The following ATP9B variants were observed in gnomAD, a reference collection of about 807,000 sequenced individuals.
ATP9B encodes probable phospholipid-transporting ATPase IIB.
ATP9B carries 110 observed loss-of-function variants against 146.1 expected under a neutral mutation model. The ratio of observed to expected loss-of-function variants is 0.75; its 90% CI spans 0.65 to 0.88. The LOEUF (loss-of-function observed/expected upper bound fraction) is 0.88, where lower values mean the gene tolerates loss of function less well. ATP9B is among the 40% of genes least tolerant of loss of function. The pLI is 0.00. For synonymous variants in ATP9B, 604 were observed against 569.7 expected (o/e 1.06, Z -0.86); for missense variants, 1,499 against 1,496.4 (o/e 1.00, Z -0.03).
intron 15 of ATP9B, among the ~76,000 whole-genome samples, chr18:79,312,536 G>A (rs1169753682): frequency 3.9e-5 from 6 of 152,164 alleles, no homozygotes; most frequent in African/African-American, 7.2e-5. Flanking sequence ...ATCCCTCTCC[G>A]TGTTTTCGCA....
Position 79,374,076 on chromosome 18 carries a change from A to G in ATP9B, c.3249A>G (p.Ser1083=). The part of the protein sequence containing the change: ...EFLSLGCYVS[S]LAFLNEYFGI... ...TCAGCTTAGGCTGCTACGTGTCCTC[A>G]CTCGCTTTTCTCAATGAATATTTTG... The change falls in exon 28 of 30, where the codon TCA becomes TCG. Residue 1083 remains serine (S), a synonymous_variant. Coordinates refer to ENST00000426216, the MANE Select transcript of ATP9B (RefSeq NM_198531.5). 2 of 1,613,476 alleles carry G rather than the reference A, an allele frequency of 1.2e-6. No individual in the cohort carries two copies.
At chr18:79,144,536 C>G (rs2094553628) in intron 6 of ATP9B, among the ~76,000 whole-genome samples, 1 of 152,216 alleles carries the variant, frequency 6.6e-6, no homozygotes, top group Non-Finnish European at 1.5e-5. Flanking sequence ...GAATCTAATG[C>G]TGCTGCTGAT....
At chr18:79,071,224 AG>A (rs2071732348) in intron 1 of ATP9B, among the ~76,000 whole-genome samples, 1 of 151,298 alleles carries the variant, frequency 6.6e-6, no homozygotes, top group African/African-American at 2.4e-5. Context: ...CTTCCAGTCA[AG>A]TGTGGAAACC....
At position 79,292,151 on chromosome 18, in the gene ATP9B, G is replaced by A. The variant is rs527486321; in HGVS notation, c.1412-11453G>A. Among the ~76,000 whole-genome samples the A allele has an allele frequency of 5.3e-5, 8 of 152,344 alleles. No homozygotes were observed. The East Asian group carries it at 1.3e-3, about 26-fold the overall frequency. On this transcript the variant is annotated intron_variant, in intron 13 of 29. Coordinates refer to ENST00000426216, the MANE Select transcript of ATP9B (RefSeq NM_198531.5). ...ATCCATTCATAAGGTGATGGACATGGGTTGTTTCTACTTTTTGCCTACTAC... is the reference window on the plus strand; with the variant it reads ...ATCCATTCATAAGGTGATGGACATGAGTTGTTTCTACTTTTTGCCTACTAC...
intron 1 of ATP9B, among the ~76,000 whole-genome samples, chr18:79,079,438 A>T (rs949093376): frequency 3.3e-5 from 5 of 152,206 alleles, no homozygotes; most frequent in African/African-American, 1.2e-4. Context: ...TCGGCCGCAT[A>T]AATGTCTTCA....
chr18:79,186,888 T>A (rs778973896), intron 8 of ATP9B, among the ~76,000 whole-genome samples: 6 of 152,232 alleles, frequency 3.9e-5, no homozygotes, highest in Non-Finnish European at 5.9e-5. Flanking sequence ...TCACATTGAA[T>A]GTACTTTCAC....
chr18:79,082,139 G>GCTTTATTTCATTAAATTGATCTTTT lies in ATP9B; in HGVS notation c.119+12633_119+12634insTTCTTTATTTCATTAAATTGATCTT, dbSNP rs2073335055. 2.0e-5 allele frequency among the ~76,000 whole-genome samples: 3 copies of GCTTTATTTCATTAAATTGATCTTTT among 151,918 alleles called. 1 individual carries two copies. Among genetic ancestry groups the GCTTTATTTCATTAAATTGATCTTTT allele is most frequent in the Admixed American group, 1.3e-4 (2 of 15,254 alleles). On this transcript the variant is annotated intron_variant, in intron 1 of 29. Coordinates refer to ENST00000426216, the MANE Select transcript of ATP9B (RefSeq NM_198531.5). ...CATTTTTCTCTAATCTTGTCTTCACGCTTTATTTCATTAAATTGATCTTCA... is the reference window on the plus strand; with the variant it reads ...CATTTTTCTCTAATCTTGTCTTCACGCTTTATTTCATTAAATTGATCTTTTCTTTATTTCATTAAATTGATCTTCA...
At chr18:79,315,601 A>T (rs540063538) in intron 15 of ATP9B, among the ~76,000 whole-genome samples, 1 of 152,366 alleles carries the variant, frequency 6.6e-6, no homozygotes, top group South Asian at 2.1e-4. Flanking sequence ...CTAATATGAT[A>T]AAGGAAATTT....
chr18:79,241,829 C>T (rs2095891850), intron 11 of ATP9B, among the ~76,000 whole-genome samples: 1 of 152,198 alleles, frequency 6.6e-6, no homozygotes, highest in South Asian at 2.1e-4. Flanking sequence ...GTTTGATAGT[C>T]GCCAAACACA....
intron 17 of ATP9B, among the ~76,000 whole-genome samples, chr18:79,331,084 A>G (rs1308196718): frequency 2.6e-5 from 4 of 152,226 alleles, no homozygotes; most frequent in Non-Finnish European, 5.9e-5. Context: ...AAGCTTATGT[A>G]TAAATCAGTA....
At chr18:79,356,753 G>A (rs2096955881) in intron 25 of ATP9B, among the ~76,000 whole-genome samples, 1 of 152,276 alleles carries the variant, frequency 6.6e-6, no homozygotes, top group East Asian at 1.9e-4. Context: ...GCAGCAGAGG[G>A]AAGTGGTTGC....
At chr18:79,276,982 C>G in intron 12 of ATP9B, 72 bp from the exon 13 acceptor site, 1 of 1,554,096 alleles carries the variant, frequency 6.4e-7, no homozygotes, top group South Asian at 1.1e-5. Context: ...TGGGTTTTAT[C>G]TGGCAGTTTG....
intron 26 of ATP9B, chr18:79,364,221 G>A (rs542049345): frequency 6.7e-5 from 10 of 150,108 alleles, no homozygotes; most frequent in South Asian, 2.1e-4. Flanking sequence ...AGTCGAGATC[G>A]CGCCACTGCA....
chr18:79,139,197 G>T (rs2094484400), intron 5 of ATP9B, among the ~76,000 whole-genome samples: 1 of 152,202 alleles, frequency 6.6e-6, no homozygotes, highest in Admixed American at 6.5e-5. Context: ...TTATGACATT[G>T]ACTCATTTTA....
At chr18:79,194,715 T>A (rs927917292) in intron 9 of ATP9B, 1 of 152,108 alleles carries the variant, frequency 6.6e-6, no homozygotes, top group African/African-American at 2.4e-5. Flanking sequence ...GAGTAGAGAG[T>A]TTAATCTGTA....
chr18:79,202,977 T>C (rs1001960425), intron 9 of ATP9B, among the ~76,000 whole-genome samples: 1 of 152,230 alleles, frequency 6.6e-6, no homozygotes, highest in African/African-American at 2.4e-5. Context: ...GGAGAAAATA[T>C]AGTACTAAAA....
At chr18:79,114,385 G>C (rs759847905) in intron 4 of ATP9B, among the ~76,000 whole-genome samples, 1 of 152,186 alleles carries the variant, frequency 6.6e-6, no homozygotes, top group East Asian at 1.9e-4. Flanking sequence ...TTCCACATGA[G>C]TTGTGGCCTT....
intron 15 of ATP9B, among the ~76,000 whole-genome samples, chr18:79,318,087 A>C (rs1332450052): frequency 6.6e-6 from 1 of 152,276 alleles, no homozygotes; most frequent in Non-Finnish European, 1.5e-5. Context: ...GATATGAATA[A>C]ATAAATGAAT....
At chr18:79,341,435 G>T (rs76210777) in intron 19 of ATP9B, among the ~76,000 whole-genome samples, 2 of 27,712 alleles carry the variant, frequency 7.2e-5, no homozygotes, top group Non-Finnish European at 7.3e-5. Flanking sequence ...GTTGTGGTTG[G>T]ATGTGTGTAG....
Sources: allele counts gnomAD v4.1 joint callset (sites outside exome capture counted in the v4.1 genomes callset), GRCh38; gene constraint gnomAD v4.1.1; transcripts MANE v1.5; gene names NCBI Gene and HGNC (gene_info 2026-07-23, HGNC 2026-07-21).